Variants in ASS1 observed in about 807,000 individuals in gnomAD.
The protein encoded by ASS1 is argininosuccinate synthase.
ASS1 carries 58 observed loss-of-function variants against 60.5 expected under a neutral mutation model. The ratio of observed to expected loss-of-function variants is 0.96; its 90% confidence interval spans 0.78 to 1.19. ASS1 has a LOEUF of 1.19. Ranked by LOEUF, ASS1 falls within the 50% of genes most tolerant of loss-of-function variation. The pLI, the probability that ASS1 is intolerant of heterozygous loss-of-function variation, is 0.00. For synonymous variants in ASS1, 200 were observed against 206.9 expected, an observed-to-expected ratio of 0.97 and a Z score of 0.29; for missense variants, 454 against 547.3, an observed-to-expected ratio of 0.83 and a Z score of 1.70.
intron 13 of ASS1, among the ~76,000 whole-genome samples, chr9:130,497,532 C>G (rs1209170058): frequency 6.6e-6 from 1 of 152,010 alleles, no homozygotes; most frequent in African/African-American, 2.4e-5. Context: ...CTTTTTCCAC[C>G]TCCCCGCTCA....
At chr9:130,454,698 C>T (rs879356399) in intron 3 of ASS1, among the ~76,000 whole-genome samples, 2 of 152,036 alleles carry the variant, frequency 1.3e-5, no homozygotes, top group Non-Finnish European at 2.9e-5. Context: ...ATCCATCCAT[C>T]ATTCATCCCT....
At chr9:130,447,961 C>A (rs2131862929) in intron 1 of ASS1, among the ~76,000 whole-genome samples, 1 of 151,966 alleles carries the variant, frequency 6.6e-6, no homozygotes, top group South Asian at 2.1e-4. Flanking sequence ...CTGTTTGCAC[C>A]CCTATTTTGC....
In ASS1 at chr9:130,451,093, C is replaced by T. The variant is rs1013665390; in HGVS notation, c.-5-1131C>T. The stretch of plus-strand genomic sequence containing the variant: ...TTCAGCAAATTGGACACAGTGAAGA[C>T]GCCCAAGCCCAGGGCCACAGGAGGC... On this transcript the variant is annotated intron_variant, in intron 1 of 14. Transcript: ENST00000352480. 1.8e-4 allele frequency among the ~76,000 whole-genome samples: 27 copies of T among 152,200 alleles called. 1 individual carries two copies. Among genetic ancestry groups the T allele is most frequent in the African/African-American group, 5.3e-4 (22 of 41,446 alleles).
In ASS1 at chr9:130,452,235, A is replaced by G; in HGVS notation, c.7A>G (p.Ser3Gly). 1 of 1,614,182 alleles carries G rather than the reference A, an allele frequency of 6.2e-7. No individual in the cohort carries two copies. Among genetic ancestry groups the G allele is most frequent in the African/African-American group, 1.3e-5 (1 of 75,060 alleles). ...TCGACTCCCGCCAGACGCTATGTCC[A>G]GCAAAGGCTCCGTGGTTCTGGCCTA... MS[S>G]KGSVVLAYSG... Residue 3 changes from serine (S) to glycine (G), a missense_variant, in exon 2 of 15, where the codon AGC becomes GGC. Physicochemically the swap from Ser to Gly is moderately conservative, Grantham distance 56. Transcript: ENST00000352480.
rs147858743 is a variant in ASS1 at position 130,476,880 on chromosome 9, C to A, written c.607C>A (p.Pro203Thr). The A allele has an allele frequency of 2.5e-6, 4 of 1,613,818 alleles. No individual in the cohort carries two copies. The African/African-American group carries it at 5.3e-5, about 22-fold the overall frequency. Residue 203 changes from proline to threonine, a missense_variant, in exon 9 of 15, where the codon CCT becomes ACT. Transcript: ENST00000352480. This position sits in a 1 kb window ranked among gnomAD's most constrained non-coding sequence, Gnocchi z 4.9. Reference protein sequence around the residue: ...GILENPKNQAPPGLYTKTQDP... With the variant: ...GILENPKNQATPGLYTKTQDP... The stretch of plus-strand genomic sequence containing the variant: ...TTCTGTCTTTTTTCAGAACCAAGCG[C>A]CTCCAGGTCTCTACACGAAGACCCA...
chr9:130,492,444 C>T (rs945580642), intron 12 of ASS1, among the ~76,000 whole-genome samples: 3 of 152,148 alleles, frequency 2.0e-5, no homozygotes, highest in Non-Finnish European at 4.4e-5. Flanking sequence ...TCCTAGAGGC[C>T]CTAGGTTCTG....
chr9:130,471,693 G>A lies in ASS1; in HGVS notation c.597+178G>A, dbSNP rs486889. On this transcript the variant is annotated intron_variant, in intron 8 of 14. Coordinates refer to ENST00000352480, the MANE Select transcript of ASS1 (RefSeq NM_054012.4). ...CCGCACTGGCCCCCCTCTGCCCACC[G>A]TCTCCTCGCTGCATTTGAAGACCTC... is the stretch of plus-strand genomic sequence containing the variant. Among the ~76,000 whole-genome samples, 87,368 of 149,844 alleles carry A rather than the reference G, an allele frequency of 0.58. 29,887 individuals are homozygous for A. The highest frequency in any genetic ancestry group is 0.97 in the East Asian group (4,967 of 5,140).
chr9:130,468,343 T>C (rs1008448958), intron 6 of ASS1, among the ~76,000 whole-genome samples: 55 of 152,196 alleles, frequency 3.6e-4, no homozygotes, highest in African/African-American at 1.3e-3. Context: ...CTGGCCATCC[T>C]CTCCCAACCC....
At position 130,491,626 on chromosome 9, in the gene ASS1, C is replaced by T. The variant is rs1186272860; in HGVS notation, c.970+2162C>T. On this transcript the variant is annotated intron_variant, in intron 12 of 14. Coordinates refer to ENST00000352480, the MANE Select transcript of ASS1 (RefSeq NM_054012.4). This position sits in a 1 kb window ranked among gnomAD's most constrained non-coding sequence, Gnocchi z 5.3. ...GCACGGCGGCACAGACAGGGGAACCCTGGGTGTAGGGCACAGTTTGGCTCC... is the reference window on the plus strand; with the variant it reads ...GCACGGCGGCACAGACAGGGGAACCTTGGGTGTAGGGCACAGTTTGGCTCC... 6.6e-6 allele frequency among the ~76,000 whole-genome samples: 1 copy of T among 152,182 alleles called. No individual in the cohort carries two copies. The highest frequency in any genetic ancestry group is 1.9e-4 in the East Asian group (1 of 5,194).
At chr9:130,458,656 A>G in intron 4 of ASS1, 67 bp downstream of exon 4, 1 of 1,562,428 alleles carries the variant, frequency 6.4e-7, no homozygotes, top group South Asian at 1.2e-5. Flanking sequence ...GGAGATGAGC[A>G]CCCCTCGAGC....
intron 3 of ASS1, among the ~76,000 whole-genome samples, chr9:130,454,668 G>A (rs1169489056): frequency 6.6e-6 from 1 of 151,726 alleles, no homozygotes; most frequent in Non-Finnish European, 1.5e-5. Flanking sequence ...TTTTATCTCT[G>A]TTTATCTACT....
Position 130,490,251 on chromosome 9 carries a change from C to T in ASS1, c.970+787C>T, listed in dbSNP as rs139644261. Among the ~76,000 whole-genome samples, 18 of 152,340 alleles carry T rather than the reference C, an allele frequency of 1.2e-4. No individual in the cohort carries two copies. In the East Asian group the frequency reaches 2.3e-3, roughly 20 times the overall value. On this transcript the variant is annotated intron_variant, in intron 12 of 14. Transcript: ENST00000352480. The stretch of plus-strand genomic sequence containing the variant: ...TACAGTCCCTGGGTCAAATCCAGCC[C>T]GTCACCTGTTTTTGTTCAGCTCATG...
At position 130,494,097 on chromosome 9, in the gene ASS1, G is replaced by A. The variant is rs924597627; in HGVS notation, c.971-770G>A. Among the ~76,000 whole-genome samples, 52 of 152,348 alleles carry A rather than the reference G, an allele frequency of 3.4e-4. No homozygotes were observed. Among genetic ancestry groups the A allele is most frequent in the African/African-American group, 1.2e-3 (51 of 41,572 alleles). On this transcript the variant is annotated intron_variant, in intron 12 of 14. Transcript: ENST00000352480. This position sits in a 1 kb window ranked among gnomAD's most constrained non-coding sequence, Gnocchi z 4.3. The stretch of plus-strand genomic sequence containing the variant: ...CTCACCCAGAAAGGGGAGAGGCTAA[G>A]AGAGTTTCTCTCAGAGTGCTGTCTA...
At chr9:130,490,381 T>C (rs1022148526) in intron 12 of ASS1, among the ~76,000 whole-genome samples, 1 of 152,228 alleles carries the variant, frequency 6.6e-6, no homozygotes, top group African/African-American at 2.4e-5. Context: ...TGGTGCGATC[T>C]TGGCTCACTG....
At chr9:130,472,934 T>C (rs925509273) in intron 8 of ASS1, among the ~76,000 whole-genome samples, 45 of 152,200 alleles carry the variant, frequency 3.0e-4, no homozygotes, top group African/African-American at 1.1e-3. Context: ...CCCCCCAGAA[T>C]AGAGGACCTC....
At chr9:130,497,339 A>G (rs1040793569) in intron 13 of ASS1, among the ~76,000 whole-genome samples, 2 of 152,180 alleles carry the variant, frequency 1.3e-5, no homozygotes, top group African/African-American at 2.4e-5. Context: ...ACAGCGTCAC[A>G]GGGACCAGCG....
intron 9 of ASS1, among the ~76,000 whole-genome samples, chr9:130,479,324 TGAGCCC>T (rs1203388965): frequency 6.6e-6 from 1 of 152,008 alleles, no homozygotes; most frequent in Admixed American, 6.6e-5. Context: ...TGTGTGTGCT[TGAGCCC>T]AGCCACACCT....
At chr9:130,458,955 G>A (rs1319813575) in intron 4 of ASS1, among the ~76,000 whole-genome samples, 1 of 152,242 alleles carries the variant, frequency 6.6e-6, no homozygotes, top group Non-Finnish European at 1.5e-5. Flanking sequence ...AGTTGGCAGA[G>A]TAGGGTTCAA....
chr9:130,497,179 T>TA (rs1293330803), intron 13 of ASS1, among the ~76,000 whole-genome samples: 2 of 152,176 alleles, frequency 1.3e-5, no homozygotes, highest in African/African-American at 2.4e-5. Flanking sequence ...CATTAAGCCT[T>TA]ACAGTCTCAC....
Sources: gnomAD v4.1 joint callset for allele counts (sites outside exome capture counted in the v4.1 genomes callset) on GRCh38, gnomAD v4.1.1 for gene constraint, Gnocchi (gnomAD v3.1) non-coding constraint, MANE v1.5 for transcripts, NCBI Gene and HGNC (gene_info 2026-07-23, HGNC 2026-07-21) for gene names.